PHF20: variants seen among roughly 807,000 people sequenced by gnomAD.
The protein encoded by PHF20 is glioma-expressed antigen 2.
PHF20 carries 23 observed loss-of-function variants against 113.5 expected under a neutral mutation model. The observed-to-expected ratio is 0.20, with a 90% CI of 0.15 to 0.29. The LOEUF (loss-of-function observed/expected upper bound fraction) is 0.29. Ranked by LOEUF, PHF20 falls within the 10% of genes least tolerant of loss-of-function variation. The pLI is 1.00. For synonymous variants in PHF20, 434 were observed against 457.3 expected (o/e 0.95, Z 0.65); for missense variants, 943 against 1,219.6 (o/e 0.77, Z 3.38).
chr20:35,852,080 T>G (rs1291452744), intron 4 of PHF20, among the ~76,000 whole-genome samples: 1 of 152,180 alleles, frequency 6.6e-6, no homozygotes, highest in Non-Finnish European at 1.5e-5. Context: ...AACCCCATTC[T>G]TATTTTGCAG....
At chr20:35,927,753 T>A in intron 13 of PHF20, 27 bp from the exon 14 acceptor site, 1 of 1,569,254 alleles carries the variant, frequency 6.4e-7, no homozygotes, top group Non-Finnish European at 8.8e-7. Context: ...CTGAGTTTAA[T>A]TTTTGTTGCT....
chr20:35,903,078 T>TATCC lies in PHF20; in HGVS notation c.1561+3430_1561+3431insATCC, dbSNP rs1568737775. 2.3e-3 allele frequency among the ~76,000 whole-genome samples: 160 copies of TATCC among 68,960 alleles called. No individual in the cohort carries two copies. The African/African-American group carries it at 0.023, about 10-fold the overall frequency. The allele number at this position is 68,960 out of a possible 152,430, so 45.2% of individuals were successfully genotyped here. Reference sequence around the variant, plus strand: ...CTTTCCTTTCCTTTCCTATCCTTTCTTTTTTTTTTTTTTTTTTGAGTAATT... The same window carrying TATCC: ...CTTTCCTTTCCTTTCCTATCCTTTCTATCCTTTTTTTTTTTTTTTTTGAGTAATT... On this transcript the variant is annotated intron_variant, in intron 10 of 17. Coordinates refer to ENST00000374012, the MANE Select transcript of PHF20 (RefSeq NM_016436.5).
chr20:35,861,099 A>G (rs2054211248), intron 5 of PHF20, among the ~76,000 whole-genome samples: 1 of 151,176 alleles, frequency 6.6e-6, no homozygotes, highest in Admixed American at 6.6e-5. Context: ...GGCTAGAGTT[A>G]TCTGTCATGG....
intron 1 of PHF20, chr20:35,774,785 C>T (rs1312922746): frequency 2.0e-5 from 3 of 152,164 alleles, no homozygotes; most frequent in Non-Finnish European, 4.4e-5. Flanking sequence ...AATGATACTC[C>T]CAGAAACCTG....
At chr20:35,773,512 TCTC>T (rs1209671106) in intron 1 of PHF20, among the ~76,000 whole-genome samples, 2 of 152,178 alleles carry the variant, frequency 1.3e-5, no homozygotes, top group East Asian at 3.9e-4. Flanking sequence ...CCTCCTGAAT[TCTC>T]CTCTCCTCCC....
intron 1 of PHF20, among the ~76,000 whole-genome samples, chr20:35,799,667 C>T (rs1569124970): frequency 6.8e-6 from 1 of 146,816 alleles, no homozygotes; most frequent in African/African-American, 2.5e-5. Context: ...AAGAAGTGTT[C>T]TTTTTTTTTT....
chr20:35,805,273 A>G (rs1181872603), intron 2 of PHF20, among the ~76,000 whole-genome samples: 1 of 151,626 alleles, frequency 6.6e-6, no homozygotes, highest in African/African-American at 2.4e-5. Context: ...AACAGAGCTC[A>G]TTGCAGCTTT....
intron 1 of PHF20, among the ~76,000 whole-genome samples, chr20:35,781,479 A>G (rs1345656045): frequency 1.3e-5 from 2 of 152,156 alleles, no homozygotes; most frequent in Admixed American, 6.5e-5. Context: ...TCCCAACTCA[A>G]GCTGCCTTTC....
intron 5 of PHF20, among the ~76,000 whole-genome samples, chr20:35,859,921 G>T (rs1056646108): frequency 1.3e-5 from 2 of 152,058 alleles, no homozygotes; most frequent in African/African-American, 4.8e-5. Context: ...ATGTATATTT[G>T]TAAGTTGTGT....
intron 10 of PHF20, among the ~76,000 whole-genome samples, chr20:35,903,804 T>C (rs1039024402): frequency 2.0e-5 from 3 of 152,212 alleles, no homozygotes; most frequent in African/African-American, 7.2e-5. Context: ...GTTTATCACG[T>C]AGCTGGCTAT....
chr20:35,942,682 T>C (rs2056005711), intron 17 of PHF20, among the ~76,000 whole-genome samples: 1 of 152,210 alleles, frequency 6.6e-6, no homozygotes. Flanking sequence ...CTGAGAGAGA[T>C]AACAAGAAAG....
chr20:35,816,915 G>A (rs951207406), intron 2 of PHF20, among the ~76,000 whole-genome samples: 1 of 147,580 alleles, frequency 6.8e-6, no homozygotes, highest in African/African-American at 2.5e-5. Context: ...CCTCAGCCTC[G>A]TGAGTAGTGG....
intron 13 of PHF20, among the ~76,000 whole-genome samples, chr20:35,922,523 G>A (rs1419841337): frequency 6.6e-6 from 1 of 152,122 alleles, no homozygotes; most frequent in Non-Finnish European, 1.5e-5. Context: ...CATTATATGA[G>A]TAGTATCAAC....
intron 15 of PHF20, among the ~76,000 whole-genome samples, chr20:35,937,204 C>T (rs962070917): frequency 2.0e-5 from 3 of 152,112 alleles, no homozygotes; most frequent in Admixed American, 1.3e-4. Context: ...TGGTGGCTCA[C>T]GCCTTTGGGC....
chr20:35,779,545 G>A (rs1343839089), intron 1 of PHF20, among the ~76,000 whole-genome samples: 1 of 149,002 alleles, frequency 6.7e-6, no homozygotes, highest in Non-Finnish European at 1.5e-5. Flanking sequence ...TTTTGTTGAG[G>A]CGGAGTCTCA....
At chr20:35,821,553 G>A (rs572803179) in intron 2 of PHF20, among the ~76,000 whole-genome samples, 10 of 151,790 alleles carry the variant, frequency 6.6e-5, no homozygotes, top group African/African-American at 2.4e-4. Context: ...CAGCTACTTG[G>A]GAGGTTGAAG....
At chr20:35,871,508 G>A in intron 8 of PHF20, 142 bp from the exon 9 acceptor site, 1 of 652,254 alleles carries the variant, frequency 1.5e-6, no homozygotes. Context: ...TGTATGTATG[G>A]GAACCTGTGA....
At chr20:35,894,608 G>A (rs2054942596) in intron 9 of PHF20, among the ~76,000 whole-genome samples, 2 of 152,230 alleles carry the variant, frequency 1.3e-5, no homozygotes, top group South Asian at 4.1e-4. Context: ...AATAGTCATA[G>A]TAGATAATAT....
chr20:35,927,636 C>G (rs1212869609), intron 13 of PHF20, 144 bp from the exon 14 acceptor site: 1 of 666,590 alleles, frequency 1.5e-6, no homozygotes. Flanking sequence ...GGCAGCAGCT[C>G]AGTTCCACGT....
Sources: allele counts gnomAD v4.1 joint callset (sites outside exome capture counted in the v4.1 genomes callset), GRCh38; gene constraint gnomAD v4.1.1; transcripts MANE v1.5; gene names NCBI Gene and HGNC (gene_info 2026-07-23, HGNC 2026-07-21).